ESR1: variants seen among roughly 807,000 people sequenced by gnomAD.
ESR1 encodes the protein estrogen receptor 1.
ESR1 carries 12 observed loss-of-function variants against 52.7 expected under a neutral mutation model. The observed-to-expected ratio is 0.23, with a 90% CI of 0.15 to 0.37. The LOEUF is 0.37. Among genes scored for constraint, ESR1 ranks in the 10% least tolerant of loss-of-function variants. ESR1 has a pLI of 1.00. For missense variants in ESR1, 584 were observed against 779.7 expected (o/e 0.75, Z 2.99); for synonymous variants, 305 against 316.8 (o/e 0.96, Z 0.39).
chr6:151,922,921 C>A, intron 3 of ESR1, among the ~76,000 whole-genome samples: 1 of 152,210 alleles, frequency 6.6e-6, no homozygotes, highest in East Asian at 1.9e-4. Context: ...CCAATTCTAA[C>A]CTGCAACAGC....
intron 2 of ESR1, among the ~76,000 whole-genome samples, chr6:151,744,988 G>T (rs931445474): frequency 1.3e-5 from 2 of 152,060 alleles, no homozygotes; most frequent in Admixed American, 1.3e-4. Context: ...ATTTTGTCTT[G>T]TCCAGGCTGT....
At chr6:151,833,476 G>C (rs1415300402) in intron 1 of ESR1, among the ~76,000 whole-genome samples, 1 of 152,194 alleles carries the variant, frequency 6.6e-6, no homozygotes, top group Non-Finnish European at 1.5e-5. Context: ...GTAGAACCCT[G>C]CCTGGCTCTT....
chr6:151,977,820 G>T (rs1017237012), intron 4 of ESR1, among the ~76,000 whole-genome samples: 1 of 151,504 alleles, frequency 6.6e-6, no homozygotes, highest in African/African-American at 2.4e-5. Flanking sequence ...AAAAAAAAGT[G>T]ACTGCAGGGG....
chr6:151,820,162 C>G (rs1780331324), intron 1 of ESR1, among the ~76,000 whole-genome samples: 1 of 152,086 alleles, frequency 6.6e-6, no homozygotes, highest in Admixed American at 6.5e-5. Flanking sequence ...GTGACCCTTT[C>G]AACTGAATTT....
At chr6:151,867,045 G>A (rs1245251252) in intron 2 of ESR1, among the ~76,000 whole-genome samples, 1 of 152,124 alleles carries the variant, frequency 6.6e-6, no homozygotes, top group Non-Finnish European at 1.5e-5. Flanking sequence ...ATGGTGTTGG[G>A]AAAACTGACT....
intron 4 of ESR1, among the ~76,000 whole-genome samples, chr6:151,946,344 C>A (rs1476529306): frequency 6.6e-6 from 1 of 152,118 alleles, no homozygotes; most frequent in African/African-American, 2.4e-5. Context: ...AGTAGATTCC[C>A]ATCATGACAT....
Position 151,995,238 on chromosome 6 carries a change from A to T in ESR1, c.1097-16418A>T, listed in dbSNP as rs565537754. 7.9e-5 allele frequency among the ~76,000 whole-genome samples: 12 copies of T among 152,274 alleles called. No individual in the cohort carries two copies. In the South Asian group the frequency reaches 2.5e-3, roughly 32 times the overall value. On this transcript the variant is annotated intron_variant, in intron 4 of 7. Coordinates refer to ENST00000206249, the MANE Select transcript of ESR1 (RefSeq NM_000125.4). Reference sequence around the variant, plus strand: ...GCTTTTGACTTCTTGTTCCAGGACAAGTGACATCTGACATGCTTGCCTGCT... The same window carrying T: ...GCTTTTGACTTCTTGTTCCAGGACATGTGACATCTGACATGCTTGCCTGCT...
At chr6:151,788,864 A>T (rs1246831351) in intron 2 of ESR1, among the ~76,000 whole-genome samples, 1 of 152,218 alleles carries the variant, frequency 6.6e-6, no homozygotes, top group Non-Finnish European at 1.5e-5. Flanking sequence ...AGAAAACCTA[A>T]TACTGCATGT....
At chr6:151,844,431 G>C (rs1784799470) in intron 2 of ESR1, among the ~76,000 whole-genome samples, 2 of 152,136 alleles carry the variant, frequency 1.3e-5, no homozygotes, top group African/African-American at 4.8e-5. Context: ...TGGATGGATT[G>C]AGCTGAGACT....
chr6:152,095,008 C>T (rs889737190), intron 7 of ESR1, among the ~76,000 whole-genome samples: 4 of 152,144 alleles, frequency 2.6e-5, no homozygotes, highest in African/African-American at 7.2e-5. Context: ...TTGACTCCTT[C>T]ATACCTGTTG....
At chr6:152,011,878 T>C in intron 5 of ESR1, 84 bp downstream of exon 5, 1 of 1,478,374 alleles carries the variant, frequency 6.8e-7, no homozygotes, top group Admixed American at 1.7e-5. Flanking sequence ...CATCTCTCGG[T>C]GAAGCTTCAG....
intron 2 of ESR1, among the ~76,000 whole-genome samples, chr6:151,866,665 T>C (rs531763349): frequency 6.6e-6 from 1 of 152,318 alleles, no homozygotes; most frequent in Admixed American, 6.6e-5. Flanking sequence ...TTGCATCCTT[T>C]TTTATGGCTG....
chr6:151,977,863 G>C (rs1314691119), intron 4 of ESR1, among the ~76,000 whole-genome samples: 2 of 149,368 alleles, frequency 1.3e-5, no homozygotes, highest in African/African-American at 4.9e-5. Context: ...CTTTACTGGG[G>C]AATGGAATTT....
chr6:152,109,778 G>T (rs1188264846), intron 6 of ESR1, among the ~76,000 whole-genome samples: 1 of 152,204 alleles, frequency 6.6e-6, no homozygotes, highest in Non-Finnish European at 1.5e-5. Context: ...GTTCGTTCAA[G>T]ACAGAGATAC....
intron 2 of ESR1, among the ~76,000 whole-genome samples, chr6:151,723,266 G>T (rs1226044541): frequency 1.3e-5 from 2 of 152,026 alleles, no homozygotes. Context: ...GAAATTACTT[G>T]ATGGGTACAA....
chr6:151,778,371 T>A (rs1786214493), intron 2 of ESR1, among the ~76,000 whole-genome samples: 1 of 151,892 alleles, frequency 6.6e-6, no homozygotes. Flanking sequence ...TAAAAATGGC[T>A]AAAAATCATG....
chr6:151,864,241 A>C (rs1411850390), intron 2 of ESR1, among the ~76,000 whole-genome samples: 1 of 152,240 alleles, frequency 6.6e-6, no homozygotes, highest in African/African-American at 2.4e-5. Context: ...AAACAAATTT[A>C]CAAGAAAAAA....
chr6:151,802,878 C>G (rs1490048848), upstream of ESR1, among the ~76,000 whole-genome samples: 5 of 151,572 alleles, frequency 3.3e-5, no homozygotes, highest in Non-Finnish European at 7.4e-5. Context: ...GTAATCCCAG[C>G]TACTTAGGGA....
chr6:151,872,171 A>G (rs1791088057), intron 2 of ESR1, among the ~76,000 whole-genome samples: 1 of 152,212 alleles, frequency 6.6e-6, no homozygotes, highest in Non-Finnish European at 1.5e-5. Flanking sequence ...CTTCATTTTG[A>G]CACAACTTCC....
Sources: gnomAD v4.1 joint callset for allele counts (sites outside exome capture counted in the v4.1 genomes callset) on GRCh38, gnomAD v4.1.1 for gene constraint, MANE v1.5 for transcripts, NCBI Gene and HGNC (gene_info 2026-07-23, HGNC 2026-07-21) for gene names.